The following COPS6 variants were observed in gnomAD, a reference collection of about 807,000 sequenced individuals.
The protein encoded by COPS6 is COP9 signalosome complex subunit 6.
A neutral mutation model predicts 41.0 loss-of-function variants in COPS6; 9 were observed. The ratio of observed to expected loss-of-function variants is 0.22; its 90% CI spans 0.13 to 0.38. The LOEUF is 0.38. COPS6 is among the 10% of genes least tolerant of loss of function. The probability of loss-of-function intolerance (pLI) is 1.00; values close to 1 mark genes in which losing one functional copy is unlikely to be tolerated. For synonymous variants in COPS6, 179 were observed against 162.9 expected, an observed-to-expected ratio of 1.10 and a Z score of -0.75; for missense variants, 302 against 436.7, an observed-to-expected ratio of 0.69 and a Z score of 2.75.
At chr7:100,090,557 G>T (rs774797949) in intron 4 of COPS6, 35 bp from the exon 5 acceptor site, 3 of 1,611,008 alleles carry the variant, frequency 1.9e-6, no homozygotes, top group Non-Finnish European at 2.5e-6. Context: ...AAGGTAGGGG[G>T]CACTGACTTC....
In COPS6 at chr7:100,089,680, C is replaced by T. The variant is rs746169083; in HGVS notation, c.268C>T (p.Leu90=). Residue 90 remains leucine, a synonymous_variant, in exon 3 of 10, where the codon CTG becomes TTG. Transcript: ENST00000303904. ...NIEVMNSFEL[L]SHTVEEKIII... is the part of the protein sequence containing the mutation. ...CGAGGTGATGAACTCCTTTGAGCTG[C>T]TGTCCCACACCGTGGAAGAGAAGAT... 2 of 1,613,836 alleles carry T rather than the reference C, an allele frequency of 1.2e-6. No homozygotes were observed. Among genetic ancestry groups the T allele is most frequent in the Non-Finnish European group, 1.7e-6 (2 of 1,179,836 alleles).
Position 100,091,893 on chromosome 7 carries a change from C to A in COPS6, c.*104C>A. The A allele has an allele frequency of 6.8e-7, 1 of 1,466,284 alleles. No individual in the cohort carries two copies. Among genetic ancestry groups the A allele is most frequent in the Non-Finnish European group, 9.4e-7 (1 of 1,068,372 alleles). The allele number at this position is 1,466,284 out of a possible 1,614,324, so 90.8% of individuals were successfully genotyped here. ...ACCGCTGTCATTAATAAAAGGGGAG[C>A]AGCCCCTGAGCACCCCTGCTGGTGG... On this transcript the variant is annotated 3_prime_UTR_variant, in exon 10 of 10. Transcript: ENST00000303904. This position sits in a 1 kb window ranked among gnomAD's most constrained non-coding sequence, Gnocchi z 4.1.
chr7:100,091,535 C>A lies in COPS6; in HGVS notation c.843+15C>A, dbSNP rs376648875. The A allele has an allele frequency of 6.2e-7, 1 of 1,613,814 alleles. No individual in the cohort carries two copies. The highest frequency in any genetic ancestry group is 1.3e-5 in the African/African-American group (1 of 75,012). ...ATTTTTATGATGTGAGTGTAAAACC[C>A]GGATGGGGAGGCGGGGCTTATGCTG... On this transcript the variant is annotated intron_variant, in intron 9 of 9. Coordinates refer to ENST00000303904, the MANE Select transcript of COPS6 (RefSeq NM_006833.5). This position sits in a 1 kb window ranked among gnomAD's most constrained non-coding sequence, Gnocchi z 4.1.
rs376848627 is a variant in COPS6 at position 100,091,554 on chromosome 7, T to G, written c.843+34T>G. The G allele has an allele frequency of 4.3e-6, 7 of 1,613,836 alleles. No individual in the cohort carries two copies. Among genetic ancestry groups the G allele is most frequent in the Non-Finnish European group, 5.9e-6 (7 of 1,179,740 alleles). The stretch of plus-strand genomic sequence containing the variant: ...AAAACCCGGATGGGGAGGCGGGGCT[T>G]ATGCTGTCACTTTCACGTGCAGGAC... On this transcript the variant is annotated intron_variant, in intron 9 of 9. Transcript: ENST00000303904. This position sits in a 1 kb window ranked among gnomAD's most constrained non-coding sequence, Gnocchi z 4.1.
intron 6 of COPS6, 30 bp downstream of exon 6, chr7:100,090,979 C>G (rs759405587): frequency 6.2e-7 from 1 of 1,613,950 alleles, no homozygotes; most frequent in Non-Finnish European, 8.5e-7. Context: ...CCCTCAGATC[C>G]TGCTCTTGGC....
At position 100,091,535 on chromosome 7, in the gene COPS6, C is replaced by T. The variant is rs376648875; in HGVS notation, c.843+15C>T. Reference sequence around the variant, plus strand: ...ATTTTTATGATGTGAGTGTAAAACCCGGATGGGGAGGCGGGGCTTATGCTG... The same window carrying T: ...ATTTTTATGATGTGAGTGTAAAACCTGGATGGGGAGGCGGGGCTTATGCTG... On this transcript the variant is annotated intron_variant, in intron 9 of 9. Transcript: ENST00000303904. This position sits in a 1 kb window ranked among gnomAD's most constrained non-coding sequence, Gnocchi z 4.1. 233 of 1,613,814 alleles carry T rather than the reference C, an allele frequency of 1.4e-4. 1 individual carries two copies. The highest frequency in any genetic ancestry group is 4.9e-4 in the Middle Eastern group (3 of 6,062).
chr7:100,091,677 A>G lies in COPS6; in HGVS notation c.872A>G (p.Tyr291Cys), dbSNP rs1474260586. 1.2e-6 allele frequency: 2 copies of G among 1,614,158 alleles called. No individual in the cohort carries two copies. Among genetic ancestry groups the G allele is most frequent in the Non-Finnish European group, 1.7e-6 (2 of 1,180,036 alleles). ...DQCNDVGLMAYLGTITKTCNT... is the reference protein window; with the variant it reads ...DQCNDVGLMACLGTITKTCNT... The stretch of plus-strand genomic sequence containing the variant: ...TGCAACGACGTGGGGCTCATGGCCT[A>G]CCTCGGCACCATCACCAAAACGTGC... Residue 291 changes from tyrosine to cysteine, a missense_variant, in exon 10 of 10, where the codon TAC (tyrosine) becomes TGC (cysteine). Physicochemically the swap from Tyr to Cys is radical, Grantham distance 194. Transcript: ENST00000303904. This position sits in a 1 kb window ranked among gnomAD's most constrained non-coding sequence, Gnocchi z 4.1.
rs1415567589 is a variant in COPS6, at chr7:100,090,887, C to A, written c.487-15C>A. The stretch of plus-strand genomic sequence containing the variant: ...GTTGGCATATAGTGTTCAGGTTTCT[C>A]CGTCTCCTTCACAGCTTCCTGTCAG... On this transcript the variant is annotated splice_polypyrimidine_tract_variant and intron_variant, in intron 5 of 9. Transcript: ENST00000303904. 9 of 1,614,130 alleles carry A rather than the reference C, an allele frequency of 5.6e-6. No homozygotes were observed. The highest frequency in any genetic ancestry group is 6.8e-6 in the Non-Finnish European group (8 of 1,179,954).
At chr7:100,090,742 A>C in intron 5 of COPS6, 88 bp downstream of exon 5, 1 of 1,469,120 alleles carries the variant, frequency 6.8e-7, no homozygotes, top group Non-Finnish European at 9.5e-7. Flanking sequence ...GCCAGATGCC[A>C]CTTACCAGCT....
chr7:100,091,007 T>C lies in COPS6; in HGVS notation c.535-31T>C. On this transcript the variant is annotated intron_variant, in intron 6 of 9. Transcript: ENST00000303904. This position sits in a 1 kb window ranked among gnomAD's most constrained non-coding sequence, Gnocchi z 4.1. ...CTCTTGGCCTCTTTCCTGCTTTTGATTCTCCCTTTGTGGGTTACCTTGCCC... is the reference window on the plus strand; with the variant it reads ...CTCTTGGCCTCTTTCCTGCTTTTGACTCTCCCTTTGTGGGTTACCTTGCCC... 1 of 1,613,994 alleles carries C rather than the reference T, an allele frequency of 6.2e-7. No homozygotes were observed. Among genetic ancestry groups the C allele is most frequent in the Non-Finnish European group, 8.5e-7 (1 of 1,179,814 alleles).
intron 2 of COPS6, 52 bp downstream of exon 2, chr7:100,089,467 G>C: frequency 6.2e-7 from 1 of 1,611,318 alleles, no homozygotes; most frequent in Non-Finnish European, 8.5e-7. Context: ...CCTCCCCCAG[G>C]CAGTGGTCTT....
chr7:100,089,468 C>T, intron 2 of COPS6, 53 bp downstream of exon 2: 4 of 1,610,990 alleles, frequency 2.5e-6, no homozygotes, highest in Non-Finnish European at 2.5e-6. Context: ...CTCCCCCAGG[C>T]AGTGGTCTTT....
chr7:100,091,676 T>C lies in COPS6; in HGVS notation c.871T>C (p.Tyr291His). ...DQCNDVGLMA[Y>H]LGTITKTCNT... ...ATGCAACGACGTGGGGCTCATGGCCTACCTCGGCACCATCACCAAAACGTG... is the reference window on the plus strand; with the variant it reads ...ATGCAACGACGTGGGGCTCATGGCCCACCTCGGCACCATCACCAAAACGTG... The change falls in exon 10 of 10, where the codon TAC becomes CAC. Residue 291 changes from tyrosine (Y) to histidine (H), a missense_variant. By Grantham distance (83) the Tyr-to-His change is moderately conservative. Transcript: ENST00000303904. The surrounding 1 kb of genome is among the most constrained non-coding windows in gnomAD (Gnocchi z 4.1). The C allele has an allele frequency of 6.2e-7, 1 of 1,614,234 alleles. No individual in the cohort carries two copies. Among genetic ancestry groups the C allele is most frequent in the Non-Finnish European group, 8.5e-7 (1 of 1,180,046 alleles).
chr7:100,092,010 T>A lies in COPS6; in HGVS notation c.*221T>A, dbSNP rs1795336624. ...TTGCTCAGAAGCCCTTCTGATGCTC[T>A]TCAGTGAGGGAGGCACTACCATTTG... On this transcript the variant is annotated 3_prime_UTR_variant, in exon 10 of 10. Transcript: ENST00000303904. The A allele has an allele frequency of 1.7e-6, 1 of 581,962 alleles. No homozygotes were observed. Among genetic ancestry groups the A allele is most frequent in the African/African-American group, 1.9e-5 (1 of 53,490 alleles). The allele number at this position is 581,962 out of a possible 1,614,324, so 36.0% of individuals were successfully genotyped here.
chr7:100,090,164 A>G (rs1260720101), intron 3 of COPS6: 1 of 526,542 alleles, frequency 1.9e-6, no homozygotes, highest in African/African-American at 1.9e-5. Flanking sequence ...CCTGGCAAAC[A>G]TAGTGAAACC....
Position 100,091,714 on chromosome 7 carries a change from C to T in COPS6, c.909C>T (p.Asn303=). 5 of 1,614,184 alleles carry T rather than the reference C, an allele frequency of 3.1e-6. No individual in the cohort carries two copies. Among genetic ancestry groups the T allele is most frequent in the Non-Finnish European group, 3.4e-6 (4 of 1,180,036 alleles). The change falls in exon 10 of 10, where the codon AAC becomes AAT. Residue 303 remains asparagine, a synonymous_variant. Coordinates refer to ENST00000303904, the MANE Select transcript of COPS6 (RefSeq NM_006833.5). The surrounding 1 kb of genome is among the most constrained non-coding windows in gnomAD (Gnocchi z 4.1). ...GTITKTCNTM[N]QFVNKFNVLY... is the part of the protein sequence containing the mutation. ...TCACCAAAACGTGCAACACCATGAACCAGTTTGTGAACAAGTTCAATGTCC... is the reference window on the plus strand; with the variant it reads ...TCACCAAAACGTGCAACACCATGAATCAGTTTGTGAACAAGTTCAATGTCC...
intron 3 of COPS6, chr7:100,090,043 G>A (rs1326592493): frequency 2.3e-6 from 1 of 441,090 alleles, no homozygotes; most frequent in Non-Finnish European, 4.1e-6. Context: ...ATTGAGGAAG[G>A]ATGGTTTAAA....
rs1205116334 is a variant in COPS6 at position 100,091,266 on chromosome 7, C to T, written c.678C>T (p.Ser226=). Residue 226 remains serine, a synonymous_variant, in exon 8 of 10, where the codon AGC becomes AGT. Coordinates refer to ENST00000303904, the MANE Select transcript of COPS6 (RefSeq NM_006833.5). The surrounding 1 kb of genome is among the most constrained non-coding windows in gnomAD (Gnocchi z 4.1). ...CTGAACACCTGATAGCACAGCACAG[C>T]GCCATCAAGATGCTGCACAGCCGCG... ...TVAEHLIAQH[S]AIKMLHSRVK... is the part of the protein sequence containing the mutation. 18 of 1,614,030 alleles carry T rather than the reference C, an allele frequency of 1.1e-5. No homozygotes were observed. Among genetic ancestry groups the T allele is most frequent in the Admixed American group, 1.7e-5 (1 of 60,006 alleles).
chr7:100,089,750 A>AGAGTG lies in COPS6; in HGVS notation c.334+7_334+11dup. ...TATTACACCAAGGAGGAGCAGTGTG[A>AGAGTG]GAGTGGAATAGATGTGGGGAAGAGG... On this transcript the variant is annotated splice_donor_region_variant and intron_variant, in intron 3 of 9. Transcript: ENST00000303904. 6.2e-7 allele frequency: 1 copy of AGAGTG among 1,613,264 alleles called. No individual in the cohort carries two copies. The highest frequency in any genetic ancestry group is 8.5e-7 in the Non-Finnish European group (1 of 1,179,578).
Sources: gnomAD v4.1 joint callset for allele counts on GRCh38, gnomAD v4.1.1 for gene constraint, Gnocchi (gnomAD v3.1) non-coding constraint, MANE v1.5 for transcripts, NCBI Gene and HGNC (gene_info 2026-07-23, HGNC 2026-07-21) for gene names.